POMK: variants seen among roughly 807,000 people sequenced by gnomAD.
POMK encodes the protein Sugen kinase 196.
In POMK, 19 loss-of-function variants were observed where a neutral mutation model predicts 23.0. The ratio of observed to expected loss-of-function variants is 0.83; its 90% CI spans 0.58 to 1.21. The LOEUF (loss-of-function observed/expected upper bound fraction) is 1.21, where lower values mean the gene tolerates loss of function less well. Among genes scored for constraint, POMK ranks in the 50% most tolerant of loss-of-function variants. The pLI, the probability that POMK is intolerant of heterozygous loss-of-function variation, is 0.00. For synonymous variants in POMK, 173 were observed against 171.6 expected, an observed-to-expected ratio of 1.01 and a Z score of -0.06; for missense variants, 410 against 431.3, an observed-to-expected ratio of 0.95 and a Z score of 0.44.
intron 2 of POMK, among the ~76,000 whole-genome samples, chr8:43,100,258 C>T (rs1811410896): frequency 6.6e-6 from 1 of 151,964 alleles, no homozygotes; most frequent in Admixed American, 6.6e-5. Flanking sequence ...TGGTGATGAG[C>T]CTTATGGCAG....
At chr8:43,111,884 C>G (rs1011081754) in intron 4 of POMK, among the ~76,000 whole-genome samples, 6 of 152,212 alleles carry the variant, frequency 3.9e-5, no homozygotes, top group African/African-American at 1.4e-4. Context: ...GGAAAACTAA[C>G]AAACAGGACG....
At chr8:43,096,252 A>G (rs976893046) in intron 1 of POMK, among the ~76,000 whole-genome samples, 1 of 152,124 alleles carries the variant, frequency 6.6e-6, no homozygotes, top group Non-Finnish European at 1.5e-5. Context: ...GGTTTAGGGA[A>G]GCAGATAGGG....
At position 43,122,628 on chromosome 8, in the gene POMK, C is replaced by T; in HGVS notation, c.804C>T (p.Phe268=). 1 of 1,614,172 alleles carries T rather than the reference C, an allele frequency of 6.2e-7. No homozygotes were observed. Residue 268 remains phenylalanine, a synonymous_variant, in exon 5 of 5, where the codon TTC becomes TTT. Coordinates refer to ENST00000331373, the MANE Select transcript of POMK (RefSeq NM_032237.5). The part of the protein sequence containing the change: ...QLWPYGEDVP[F]HDDLMPSYDE... ...GGCCCTATGGAGAGGACGTGCCTTT[C>T]CACGATGATCTCATGCCCTCATATG...
chr8:43,105,462 C>T (rs1268326805), intron 4 of POMK, among the ~76,000 whole-genome samples: 3 of 152,144 alleles, frequency 2.0e-5, no homozygotes, highest in Admixed American at 6.6e-5. Context: ...GTTTATTTCA[C>T]GTAACATAAT....
At chr8:43,118,810 T>G (rs1254423541) in intron 4 of POMK, among the ~76,000 whole-genome samples, 2 of 152,266 alleles carry the variant, frequency 1.3e-5, no homozygotes, top group East Asian at 3.9e-4. Context: ...TACTGTTTTT[T>G]TTGTTGTTGT....
At chr8:43,117,053 A>G (rs1004305636) in intron 4 of POMK, among the ~76,000 whole-genome samples, 1 of 152,202 alleles carries the variant, frequency 6.6e-6, no homozygotes, top group African/African-American at 2.4e-5. Flanking sequence ...GAGCCAGGAA[A>G]AGGACTTTCA....
rs1410488337 is a variant in POMK at position 43,097,563 on chromosome 8, T to A, written c.-170T>A. ...TTGCTGTGTAATCCTGAGAATGGAC[T>A]GCAAGAGAGGAAAAACTGGGCGTCT... On this transcript the variant is annotated 5_prime_UTR_variant, in exon 2 of 5. Coordinates refer to ENST00000331373, the MANE Select transcript of POMK (RefSeq NM_032237.5). 3 of 152,186 alleles carry A rather than the reference T, an allele frequency of 2.0e-5. No homozygotes were observed. The highest frequency in any genetic ancestry group is 7.2e-5 in the African/African-American group (3 of 41,436). 9.4% of individuals were successfully genotyped at this position (152,186 alleles called of 1,614,324 possible). A position where few individuals can be genotyped will look rare whatever the true frequency, so the allele number is the denominator to read the frequency against.
chr8:43,115,720 C>T (rs1016110828), intron 4 of POMK, among the ~76,000 whole-genome samples: 8 of 152,216 alleles, frequency 5.3e-5, no homozygotes, highest in Non-Finnish European at 7.3e-5. Flanking sequence ...CAGAATGCCT[C>T]TTCTAAATTA....
intron 3 of POMK, among the ~76,000 whole-genome samples, chr8:43,102,819 G>A (rs1379109470): frequency 2.6e-5 from 4 of 152,176 alleles, no homozygotes; most frequent in South Asian, 2.1e-4. Flanking sequence ...GGCCTTGCAC[G>A]GCTCCAGCGG....
chr8:43,122,078 G>C (rs1811927763), intron 4 of POMK, 29 bp from the exon 5 acceptor site: 1 of 1,605,586 alleles, frequency 6.2e-7, no homozygotes. Flanking sequence ...GAGAGTTCAG[G>C]CCTGATGCTC....
chr8:43,097,152 C>A (rs1173626188), intron 1 of POMK, among the ~76,000 whole-genome samples: 2 of 152,220 alleles, frequency 1.3e-5, no homozygotes, highest in East Asian at 3.8e-4. Context: ...GAATTATATA[C>A]ACCAGTGGTT....
intron 4 of POMK, among the ~76,000 whole-genome samples, chr8:43,110,845 G>A (rs369136704): frequency 1.3e-5 from 2 of 152,052 alleles, no homozygotes; most frequent in Admixed American, 6.6e-5. Flanking sequence ...AGCTGAAGCC[G>A]GGAGGCGGAG....
rs2130628050 is a variant in POMK, at chr8:43,122,986, T to TA, written c.*110dup. ...GAGTTTCGTGTTTTATTGTTTTTTT[T>TA]ATGGCTTAGCCATGTGGTTCGTTGT... On this transcript the variant is annotated 3_prime_UTR_variant, in exon 5 of 5. Transcript: ENST00000331373. 4.1e-6 allele frequency: 4 copies of TA among 979,478 alleles called. No homozygotes were observed. The Admixed American group carries it at 7.4e-5, about 18-fold the overall frequency. The allele number at this position is 979,478 out of a possible 1,614,324, so 60.7% of individuals were successfully genotyped here. A position where few individuals can be genotyped will look rare whatever the true frequency, so the allele number is the denominator to read the frequency against.
chr8:43,114,192 C>T (rs1410852736), intron 4 of POMK, among the ~76,000 whole-genome samples: 2 of 152,232 alleles, frequency 1.3e-5, no homozygotes, highest in Non-Finnish European at 2.9e-5. Flanking sequence ...CTTTTCGTTT[C>T]TCTGTGCCCT....
chr8:43,103,061 G>C (rs926964363), intron 3 of POMK, among the ~76,000 whole-genome samples: 7 of 152,150 alleles, frequency 4.6e-5, no homozygotes, highest in Non-Finnish European at 7.3e-5. Context: ...AGGGGATTCT[G>C]AGTACCTCCC....
chr8:43,106,509 C>CTTTTT (rs1221471764), intron 4 of POMK, among the ~76,000 whole-genome samples: 23 of 115,192 alleles, frequency 2.0e-4, no homozygotes, highest in Non-Finnish European at 3.1e-4. Flanking sequence ...TTTACTTTTG[C>CTTTTT]TTTTTTTTTT....
At chr8:43,107,213 GA>G (rs888849946) in intron 4 of POMK, among the ~76,000 whole-genome samples, 15 of 146,932 alleles carry the variant, frequency 1.0e-4, no homozygotes, top group South Asian at 8.5e-4. Context: ...CTAAATTGAA[GA>G]AAAAAAAAAC....
chr8:43,116,312 G>T (rs1444056469), intron 4 of POMK, among the ~76,000 whole-genome samples: 1 of 152,084 alleles, frequency 6.6e-6, no homozygotes, highest in Non-Finnish European at 1.5e-5. Flanking sequence ...TCTCTCTTTT[G>T]CCCAGTCTGG....
rs907663234 is a variant in POMK, at chr8:43,119,433, C to CTTTTT, written c.283-2654_283-2650dup. Among the ~76,000 whole-genome samples the CTTTTT allele has an allele frequency of 7.6e-4, 73 of 95,976 alleles. 1 individual carries two copies. The highest frequency in any genetic ancestry group is 1.0e-3 in the Non-Finnish European group (51 of 49,772). 63.0% of individuals were successfully genotyped at this position (95,976 alleles called of 152,430 possible). ...ATGTAGCAGCCAGAGTGAAAAACAGCTTTTTTTTTTTTTTTTTTTTTTTTG... is the reference window on the plus strand; with the variant it reads ...ATGTAGCAGCCAGAGTGAAAAACAGCTTTTTTTTTTTTTTTTTTTTTTTTTTTTTG... On this transcript the variant is annotated intron_variant, in intron 4 of 4. Transcript: ENST00000331373.
Sources: gnomAD v4.1 joint callset for allele counts (sites outside exome capture counted in the v4.1 genomes callset) on GRCh38, gnomAD v4.1.1 for gene constraint, MANE v1.5 for transcripts, NCBI Gene and HGNC (gene_info 2026-07-23, HGNC 2026-07-21) for gene names.